Variants in TAF3 observed in about 807,000 individuals in gnomAD.
TAF3 encodes TATA-box binding protein associated factor 3, also known as transcription initiation factor TFIID subunit 3.
A neutral mutation model predicts 80.6 loss-of-function variants in TAF3; 7 were observed. The ratio of observed to expected loss-of-function variants is 0.09; its 90% CI spans 0.05 to 0.16. The LOEUF (loss-of-function observed/expected upper bound fraction) is 0.16, where lower values mean the gene tolerates loss of function less well. TAF3 is among the 10% of genes least tolerant of loss of function. The pLI is 1.00. For synonymous variants in TAF3, 444 were observed against 446.1 expected (o/e 1.00, Z 0.06); for missense variants, 921 against 1,140.2 (o/e 0.81, Z 2.77).
chr10:7,856,822 C>G (rs1020564220), intron 2 of TAF3, among the ~76,000 whole-genome samples: 17 of 142,234 alleles, frequency 1.2e-4, no homozygotes, highest in African/African-American at 3.7e-4. Context: ...CGGTCCCACT[C>G]ACTGGTGCTC....
chr10:7,920,784 A>G (rs1440755817), intron 2 of TAF3, among the ~76,000 whole-genome samples: 1 of 152,232 alleles, frequency 6.6e-6, no homozygotes, highest in Admixed American at 6.5e-5. Context: ...TTATCTTACC[A>G]AATATTTGAA....
At chr10:7,875,119 T>C (rs529811237) in intron 2 of TAF3, among the ~76,000 whole-genome samples, 7 of 152,214 alleles carry the variant, frequency 4.6e-5, no homozygotes, top group Admixed American at 1.3e-4. Flanking sequence ...AATCTTCATA[T>C]TGATTTTATG....
chr10:7,943,367 C>T (rs925683234), intron 2 of TAF3, among the ~76,000 whole-genome samples: 2 of 152,050 alleles, frequency 1.3e-5, no homozygotes, highest in African/African-American at 4.8e-5. Flanking sequence ...CCTGGGTAAA[C>T]ATTTGGAGGG....
chr10:7,886,435 A>G (rs1283325211), intron 2 of TAF3, among the ~76,000 whole-genome samples: 1 of 152,142 alleles, frequency 6.6e-6, no homozygotes, highest in Non-Finnish European at 1.5e-5. Flanking sequence ...TTAATCATGA[A>G]TATGTAACTA....
intron 2 of TAF3, among the ~76,000 whole-genome samples, chr10:7,857,779 T>TGTTAAG (rs71505468): frequency 0.44 from 66,938 of 151,520 alleles, 14,957 homozygotes; most frequent in South Asian, 0.64. Context: ...GTGATGTTTT[T>TGTTAAG]GTTAAGAAAG....
At chr10:7,818,979 G>C in intron 1 of TAF3, 104 bp downstream of exon 1, 1 of 1,165,490 alleles carries the variant, frequency 8.6e-7, no homozygotes, top group Non-Finnish European at 1.1e-6. Flanking sequence ...CCCGCACCCC[G>C]CCTCGAGATC....
chr10:7,935,442 G>A (rs1238870784), intron 2 of TAF3, among the ~76,000 whole-genome samples: 1 of 151,146 alleles, frequency 6.6e-6, no homozygotes, highest in East Asian at 2.0e-4. Flanking sequence ...AAAATAGCCT[G>A]GCGTGGTGGC....
At position 7,881,490 on chromosome 10, in the gene TAF3, AACACAC is replaced by A. The variant is rs3039468; in HGVS notation, c.409+56949_409+56954del. On this transcript the variant is annotated intron_variant, in intron 2 of 6. Transcript: ENST00000344293. ...TCTCTCAGACACACACATACACACA[AACACAC>A]ACACACACACACACACACTAGATAG... 2.4e-4 allele frequency among the ~76,000 whole-genome samples: 35 copies of A among 148,792 alleles called. No homozygotes were observed. The Middle Eastern group carries it at 0.014, about 58-fold the overall frequency.
intron 2 of TAF3, 59 bp downstream of exon 2, chr10:7,824,619 T>G (rs1013732447): frequency 1.3e-6 from 2 of 1,553,634 alleles, no homozygotes; most frequent in African/African-American, 2.7e-5. Flanking sequence ...TTTAATCCTC[T>G]TAGCTTTCCA....
chr10:7,986,855 G>T (rs1831783573), intron 4 of TAF3, among the ~76,000 whole-genome samples: 1 of 152,184 alleles, frequency 6.6e-6, no homozygotes, highest in African/African-American at 2.4e-5. Context: ...TACATAAGAA[G>T]ATCTGAGAAG....
chr10:7,848,287 C>A (rs1344004494), intron 2 of TAF3, among the ~76,000 whole-genome samples: 1 of 152,166 alleles, frequency 6.6e-6, no homozygotes, highest in Admixed American at 6.5e-5. Flanking sequence ...CTAATTATGT[C>A]TGACATACAC....
chr10:7,918,072 C>A (rs1488918259), intron 2 of TAF3, among the ~76,000 whole-genome samples: 1 of 152,154 alleles, frequency 6.6e-6, no homozygotes, highest in Non-Finnish European at 1.5e-5. Context: ...TATTTGTATG[C>A]TCATGGATGG....
At chr10:7,872,173 G>T (rs1239664664) in intron 2 of TAF3, among the ~76,000 whole-genome samples, 1 of 147,742 alleles carries the variant, frequency 6.8e-6, no homozygotes, top group Non-Finnish European at 1.5e-5. Flanking sequence ...CAGTTTACCA[G>T]TAGAGGGCAC....
chr10:7,845,472 G>A (rs753212496), intron 2 of TAF3, among the ~76,000 whole-genome samples: 2 of 152,208 alleles, frequency 1.3e-5, no homozygotes, highest in Non-Finnish European at 2.9e-5. Flanking sequence ...AACCCAAAGT[G>A]CATAAAATGC....
chr10:7,979,826 G>T (rs1831709426), intron 4 of TAF3, among the ~76,000 whole-genome samples: 1 of 151,790 alleles, frequency 6.6e-6, no homozygotes, highest in Non-Finnish European at 1.5e-5. Flanking sequence ...TGGGGTGGTG[G>T]GGTGGGGGGT....
chr10:7,984,296 T>C (rs560927476), intron 4 of TAF3, among the ~76,000 whole-genome samples: 2 of 152,280 alleles, frequency 1.3e-5, no homozygotes, highest in South Asian at 4.1e-4. Context: ...TAGAAAAAAA[T>C]AGTAAACTGT....
At position 8,013,415 on chromosome 10, in the gene TAF3, T is replaced by C. The variant is rs561810351; in HGVS notation, c.2569-316T>C. ...TAAGAATTTACATAGTTATAGTTTT[T>C]TTTTTTATGAAAGGGGTTACAGGTC... On this transcript the variant is annotated intron_variant, in intron 5 of 6. Coordinates refer to ENST00000344293, the MANE Select transcript of TAF3 (RefSeq NM_031923.4). 7.2e-5 allele frequency among the ~76,000 whole-genome samples: 11 copies of C among 152,328 alleles called. No individual in the cohort carries two copies. In the South Asian group the frequency reaches 1.0e-3, roughly 14 times the overall value.
At chr10:7,993,502 ATTTG>A (rs1300570807) in intron 4 of TAF3, among the ~76,000 whole-genome samples, 2 of 152,098 alleles carry the variant, frequency 1.3e-5, no homozygotes, top group Non-Finnish European at 2.9e-5. Context: ...CATGCAATTG[ATTTG>A]TTTAAGAAAC....
chr10:7,973,600 C>A (rs1380093927), intron 3 of TAF3, among the ~76,000 whole-genome samples: 3 of 152,128 alleles, frequency 2.0e-5, no homozygotes, highest in Non-Finnish European at 4.4e-5. Flanking sequence ...TAAAATGAAA[C>A]CCACATTATC....
Sources: allele counts gnomAD v4.1 joint callset (sites outside exome capture counted in the v4.1 genomes callset), GRCh38; gene constraint gnomAD v4.1.1; transcripts MANE v1.5; gene names NCBI Gene and HGNC (gene_info 2026-07-23, HGNC 2026-07-21).